The following GBGT1 variants were observed in gnomAD, a reference collection of about 807,000 sequenced individuals.
GBGT1 encodes the protein globoside alpha-1,3-N-acetylgalactosaminyltransferase 1.
Under a neutral mutation model 20.9 loss-of-function variants are expected in GBGT1, and 18 were observed. The ratio of observed to expected loss-of-function variants is 0.86; its 90% confidence interval spans 0.60 to 1.28. The LOEUF (loss-of-function observed/expected upper bound fraction) is 1.28, where lower values mean the gene tolerates loss of function less well. GBGT1 is among the 50% of genes most tolerant of loss of function. The pLI is 0.00. For missense variants in GBGT1, 432 were observed against 455.7 expected (o/e 0.95, Z 0.47); for synonymous variants, 168 against 180.8 (o/e 0.93, Z 0.57).
rs1832802695 is a variant in GBGT1, at chr9:133,154,215, A to G, written c.406T>C (p.Phe136Leu). 2.6e-6 allele frequency: 4 copies of G among 1,548,536 alleles called. No homozygotes were observed. The highest frequency in any genetic ancestry group is 1.4e-5 in the African/African-American group (1 of 73,246). The change falls in exon 7 of 7, where the codon TTC becomes CTC. Residue 136 changes from phenylalanine (F) to leucine (L), a missense_variant. Physicochemically the swap from Phe to Leu is conservative, Grantham distance 22. Transcript: ENST00000372040. This position sits in a 1 kb window ranked among gnomAD's most constrained non-coding sequence, Gnocchi z 4.2. ...QSFLESAEEF[F>L]MRGYRVHYYI... The stretch of plus-strand genomic sequence containing the variant: ...TAGTGCACCCGGTACCCACGCATGA[A>G]GAACTCCTCGGCTGACTCCAGGAAG...
In GBGT1 at chr9:133,153,391, C is replaced by G. The variant is rs764309133; in HGVS notation, c.*186G>C. 187 of 413,074 alleles carry G rather than the reference C, an allele frequency of 4.5e-4. No homozygotes were observed. Among genetic ancestry groups the G allele is most frequent in the Admixed American group, 8.9e-4 (21 of 23,690 alleles). 25.6% of individuals were successfully genotyped at this position (413,074 alleles called of 1,614,324 possible). On this transcript the variant is annotated 3_prime_UTR_variant, in exon 7 of 7. Coordinates refer to ENST00000372040, the MANE Select transcript of GBGT1 (RefSeq NM_021996.6). ...GTCTCACTGTTCCCATGCCGCGTTA[C>G]TGTGAGATCCTGTGTGCTACTGTGT...
rs1250832244 is a variant in GBGT1 at position 133,155,400 on chromosome 9, C to T, written c.225-88G>A. The T allele has an allele frequency of 8.5e-6, 13 of 1,523,170 alleles. No individual in the cohort carries two copies. In the East Asian group the frequency reaches 9.3e-5, roughly 11 times the overall value. The allele number at this position is 1,523,170 out of a possible 1,614,324, so 94.4% of individuals were successfully genotyped here. The stretch of plus-strand genomic sequence containing the variant: ...GCCCTGGCTCTCACACTGTGTGACC[C>T]GGGGCAGCTTCGTCCCCATCTCTGG... On this transcript the variant is annotated intron_variant, in intron 5 of 6. Transcript: ENST00000372040.
chr9:133,156,708 G>A (rs976280139), intron 3 of GBGT1, among the ~76,000 whole-genome samples: 10 of 151,178 alleles, frequency 6.6e-5, no homozygotes, highest in Non-Finnish European at 1.0e-4. Flanking sequence ...CTGGGACCTC[G>A]GGTGAGCTAA....
chr9:133,157,026 G>A (rs1452379903), intron 3 of GBGT1, among the ~76,000 whole-genome samples: 1 of 152,240 alleles, frequency 6.6e-6, no homozygotes, highest in South Asian at 2.1e-4. Context: ...GCTCACACCT[G>A]TAGTCCCAGC....
chr9:133,153,693 G>A lies in GBGT1; in HGVS notation c.928C>T (p.Pro310Ser). 2.5e-6 allele frequency: 4 copies of A among 1,613,766 alleles called. No homozygotes were observed. The highest frequency in any genetic ancestry group is 3.4e-6 in the Non-Finnish European group (4 of 1,179,860). ...TACTCGGGGGACAGCACCTTGGACG[G>A]CTTGTTTGAGATGAAGTGACGGTTC... ...HLNRHFISNK[P>S]SKVLSPEYLW... The change falls in exon 7 of 7, where the codon CCG becomes TCG. Residue 310 changes from proline to serine, a missense_variant. By Grantham distance (74) the Pro-to-Ser change is moderately conservative. Coordinates refer to ENST00000372040, the MANE Select transcript of GBGT1 (RefSeq NM_021996.6).
intron 3 of GBGT1, among the ~76,000 whole-genome samples, chr9:133,157,872 C>T (rs892326594): frequency 1.3e-5 from 2 of 152,170 alleles, no homozygotes; most frequent in South Asian, 2.1e-4. Flanking sequence ...ACCGGCCGGG[C>T]GTGGTGGCTC....
At chr9:133,155,395 T>TG (rs774969802) in intron 5 of GBGT1, 83 bp from the exon 6 acceptor site, 24 of 1,545,302 alleles carry the variant, frequency 1.6e-5, no homozygotes, top group Non-Finnish European at 2.0e-5. Context: ...TCACACTGTG[T>TG]GACCCGGGGC....
intron 3 of GBGT1, among the ~76,000 whole-genome samples, chr9:133,160,654 A>C (rs1833010295): frequency 6.6e-6 from 1 of 152,180 alleles, no homozygotes; most frequent in African/African-American, 2.4e-5. Flanking sequence ...TCCCGAGAGC[A>C]ATTGGTGGTG....
chr9:133,155,482 T>G, intron 5 of GBGT1, 170 bp from the exon 6 acceptor site: 1 of 726,252 alleles, frequency 1.4e-6, no homozygotes, highest in Non-Finnish European at 2.2e-6. Context: ...CCAGCAGGGT[T>G]GGGAGTACCA....
chr9:133,158,115 A>C (rs1832926422), intron 3 of GBGT1, among the ~76,000 whole-genome samples: 1 of 151,976 alleles, frequency 6.6e-6, no homozygotes, highest in Non-Finnish European at 1.5e-5. Flanking sequence ...ACTGCACTCC[A>C]GCCTGGCGAC....
chr9:133,156,312 C>T (rs1832867944), intron 3 of GBGT1, among the ~76,000 whole-genome samples: 1 of 152,152 alleles, frequency 6.6e-6, no homozygotes, highest in East Asian at 1.9e-4. Context: ...GCCGCTTGCT[C>T]CCAAGGCTGA....
intron 3 of GBGT1, among the ~76,000 whole-genome samples, chr9:133,158,082 G>A (rs1255763530): frequency 1.3e-5 from 2 of 151,854 alleles, no homozygotes; most frequent in Admixed American, 6.6e-5. Context: ...GAGGCTGAGG[G>A]TGCAGTGAGC....
At chr9:133,160,879 G>T (rs1013553857) in intron 3 of GBGT1, among the ~76,000 whole-genome samples, 1 of 152,010 alleles carries the variant, frequency 6.6e-6, no homozygotes, top group African/African-American at 2.4e-5. Flanking sequence ...GTATGGTGGC[G>T]GGTGCCTGTA....
In GBGT1 at chr9:133,153,980, G is replaced by A. The variant is rs751467619; in HGVS notation, c.641C>T (p.Pro214Leu). The A allele has an allele frequency of 3.7e-6, 6 of 1,613,634 alleles. No individual in the cohort carries two copies. In the East Asian group the frequency reaches 8.9e-5, roughly 24 times the overall value. Residue 214 changes from proline to leucine, a missense_variant, in exon 7 of 7, where the codon CCG becomes CTG. By Grantham distance (98) the Pro-to-Leu change is moderately conservative (BLOSUM62 -3). Coordinates refer to ENST00000372040, the MANE Select transcript of GBGT1 (RefSeq NM_021996.6). ...GTCTCCCAAGGTCTCAGGGCCCCACGGGTTCCGAAACACCATGTCCACATC... is the reference window on the plus strand; with the variant it reads ...GTCTCCCAAGGTCTCAGGGCCCCACAGGTTCCGAAACACCATGTCCACATC... ...CLDVDMVFRN[P>L]WGPETLGDLV...
intron 3 of GBGT1, among the ~76,000 whole-genome samples, chr9:133,158,059 C>T (rs1304743291): frequency 1.3e-5 from 2 of 151,702 alleles, no homozygotes; most frequent in African/African-American, 2.4e-5. Context: ...GGAGGAGAAT[C>T]GCTTGAACCC....
At position 133,154,018 on chromosome 9, in the gene GBGT1, G is replaced by A. The variant is rs1832793210; in HGVS notation, c.603C>T (p.Tyr201=). 6.2e-7 allele frequency: 1 copy of A among 1,613,882 alleles called. No individual in the cohort carries two copies. The highest frequency in any genetic ancestry group is 8.5e-7 in the Non-Finnish European group (1 of 1,180,004). The change falls in exon 7 of 7, where the codon TAC becomes TAT. Residue 201 remains tyrosine, a synonymous_variant. Transcript: ENST00000372040. The surrounding 1 kb of genome is among the most constrained non-coding windows in gnomAD (Gnocchi z 4.2). The part of the protein sequence containing the change: ...IAKRAHREVD[Y]LFCLDVDMVF... ...CCATGTCCACATCAAGGCAGAAGAG[G>A]TAGTCCACCTCCCGGTGAGCCCTCT...
In GBGT1 at chr9:133,156,581, A is replaced by G. The variant is rs574619227; in HGVS notation, c.138-516T>C. On this transcript the variant is annotated intron_variant, in intron 3 of 6. Transcript: ENST00000372040. ...AGGCTGAGGCAGGAGAATTGCTTGAACCCAGGAGGCAGAGGTTGCAGTGAG... is the reference window on the plus strand; with the variant it reads ...AGGCTGAGGCAGGAGAATTGCTTGAGCCCAGGAGGCAGAGGTTGCAGTGAG... Among the ~76,000 whole-genome samples, 462 of 151,244 alleles carry G rather than the reference A, an allele frequency of 3.1e-3. 1 individual carries two copies. Among genetic ancestry groups the G allele is most frequent in the Non-Finnish European group, 4.8e-3 (325 of 67,870 alleles).
At chr9:133,158,102 G>A (rs1006188116) in intron 3 of GBGT1, among the ~76,000 whole-genome samples, 6 of 151,572 alleles carry the variant, frequency 4.0e-5, no homozygotes, top group South Asian at 4.2e-4. Flanking sequence ...CCGAGATCCC[G>A]CCACTGCACT....
At chr9:133,162,084 C>A (rs951908145) in intron 2 of GBGT1, among the ~76,000 whole-genome samples, 1 of 147,094 alleles carries the variant, frequency 6.8e-6, no homozygotes, top group East Asian at 2.0e-4. Flanking sequence ...GGTTGATCTG[C>A]AGAGACAGGG....
Sources: allele counts gnomAD v4.1 joint callset (sites outside exome capture counted in the v4.1 genomes callset), GRCh38; gene constraint gnomAD v4.1.1; non-coding constraint Gnocchi (gnomAD v3.1); transcripts MANE v1.5; gene names NCBI Gene and HGNC (gene_info 2026-07-23, HGNC 2026-07-21).